CFAP58: variants seen among roughly 807,000 people sequenced by gnomAD.
CFAP58 encodes cilia- and flagella-associated protein 58.
CFAP58 carries 88 observed loss-of-function variants against 119.5 expected under a neutral mutation model. The observed-to-expected ratio is 0.74, with a 90% CI of 0.62 to 0.88. CFAP58 has a LOEUF of 0.88. Among genes scored for constraint, CFAP58 ranks in the 40% least tolerant of loss-of-function variants. The pLI, the probability that CFAP58 is intolerant of heterozygous loss-of-function variation, is 0.00. For synonymous variants in CFAP58, 365 were observed against 366.3 expected, an observed-to-expected ratio of 1.00 and a Z score of 0.04; for missense variants, 990 against 1,021.2, an observed-to-expected ratio of 0.97 and a Z score of 0.42.
intron 13 of CFAP58, 59 bp from the exon 14 acceptor site, chr10:104,403,666 AAGAT>A: frequency 8.9e-7 from 1 of 1,126,782 alleles, no homozygotes; most frequent in South Asian, 1.4e-5. Flanking sequence ...CAACTAATTA[AAGAT>A]AGATAGGATA....
chr10:104,349,163 G>T (rs565621233), upstream of CFAP58, among the ~76,000 whole-genome samples: 1 of 152,262 alleles, frequency 6.6e-6, no homozygotes, highest in South Asian at 2.1e-4. Flanking sequence ...CAGGAGAATC[G>T]CTTGAACCTG....
chr10:104,360,150 G>A (rs2014646860), intron 2 of CFAP58, among the ~76,000 whole-genome samples: 1 of 152,160 alleles, frequency 6.6e-6, no homozygotes, highest in Non-Finnish European at 1.5e-5. Context: ...TTAACCTAAA[G>A]CTTATAGGTT....
chr10:104,397,167 A>G (rs937380324), intron 11 of CFAP58, among the ~76,000 whole-genome samples: 2 of 152,204 alleles, frequency 1.3e-5, no homozygotes, highest in Non-Finnish European at 2.9e-5. Context: ...TAAAAGTTTT[A>G]TTAAAGAAAG....
At chr10:104,351,206 A>G (rs1480133160), upstream of CFAP58, among the ~76,000 whole-genome samples, 1 of 152,146 alleles carries the variant, frequency 6.6e-6, no homozygotes, top group Non-Finnish European at 1.5e-5. Flanking sequence ...CCACCTCTCC[A>G]GCAACCTCCA....
At chr10:104,443,775 A>G (rs953885175) in intron 15 of CFAP58, among the ~76,000 whole-genome samples, 6 of 152,214 alleles carry the variant, frequency 3.9e-5, no homozygotes, top group Non-Finnish European at 5.9e-5. Flanking sequence ...TCTTATTTGC[A>G]TAGGCTGTTC....
intron 17 of CFAP58, among the ~76,000 whole-genome samples, chr10:104,453,376 A>G (rs117197242): frequency 4.8e-4 from 73 of 152,380 alleles, no homozygotes; most frequent in Non-Finnish European, 9.7e-4. Context: ...GGAATAATTT[A>G]GAATAATCTC....
intron 15 of CFAP58, among the ~76,000 whole-genome samples, chr10:104,419,210 T>C (rs1338775582): frequency 6.6e-6 from 1 of 152,126 alleles, no homozygotes. Context: ...AGAATGCCAA[T>C]GCTAGCATAG....
rs1294162762 is a variant in CFAP58 at position 104,400,826 on chromosome 10, C to G, written c.1962C>G (p.Ile654Met). The change falls in exon 13 of 18, where the codon ATC becomes ATG. Residue 654 changes from isoleucine (I) to methionine (M), a missense_variant. Physicochemically the swap from Ile to Met is conservative, Grantham distance 10. Coordinates refer to ENST00000369704, the MANE Select transcript of CFAP58 (RefSeq NM_001008723.2). ...ACCAGAGGTTGGAGGACATGAGAATCCTCAGACTTGAGATCAAGAAGCTTC... is the reference window on the plus strand; with the variant it reads ...ACCAGAGGTTGGAGGACATGAGAATGCTCAGACTTGAGATCAAGAAGCTTC... ...QYNQRLEDMR[I>M]LRLEIKKLRR... The G allele has an allele frequency of 6.2e-7, 1 of 1,614,148 alleles. No individual in the cohort carries two copies. Among genetic ancestry groups the G allele is most frequent in the South Asian group, 1.1e-5 (1 of 91,080 alleles).
At chr10:104,405,565 A>G (rs1404665692) in intron 14 of CFAP58, among the ~76,000 whole-genome samples, 1 of 152,218 alleles carries the variant, frequency 6.6e-6, no homozygotes, top group African/African-American at 2.4e-5. Flanking sequence ...AGTGTAGAGG[A>G]CACATTACCA....
chr10:104,440,068 C>G (rs905780823), intron 15 of CFAP58, among the ~76,000 whole-genome samples: 4 of 151,992 alleles, frequency 2.6e-5, no homozygotes, highest in Non-Finnish European at 5.9e-5. Context: ...GTGATCCACC[C>G]GCCTGGGCCT....
In CFAP58 at chr10:104,404,542, A is replaced by G. The variant is rs118049730; in HGVS notation, c.2151+702A>G. Among the ~76,000 whole-genome samples, 1,059 of 152,322 alleles carry G rather than the reference A, an allele frequency of 7.0e-3. 26 individuals carry two copies. The highest frequency in any genetic ancestry group is 0.069 in the East Asian group (358 of 5,186). On this transcript the variant is annotated intron_variant, in intron 14 of 17. Coordinates refer to ENST00000369704, the MANE Select transcript of CFAP58 (RefSeq NM_001008723.2). ...GAATGATCAGGGTATTGGGAGATGT[A>G]AGTATGTCATATAAGATAAAGCAGG...
intron 15 of CFAP58, among the ~76,000 whole-genome samples, chr10:104,411,489 A>G (rs2012459590): frequency 6.6e-6 from 1 of 151,988 alleles, no homozygotes; most frequent in Non-Finnish European, 1.5e-5. Flanking sequence ...ACTTTCACTC[A>G]TGGTGGATTT....
At position 104,358,020 on chromosome 10, in the gene CFAP58, C is replaced by CAT. The variant is rs375880516; in HGVS notation, c.10-313_10-312dup. Among the ~76,000 whole-genome samples the CAT allele has an allele frequency of 2.8e-3, 399 of 140,140 alleles. 7 individuals carry two copies. The highest frequency in any genetic ancestry group is 0.014 in the Middle Eastern group (3 of 212). The allele number at this position is 140,140 out of a possible 152,430, so 91.9% of individuals were successfully genotyped here. ...GTACACATATATACACATATATGTA[C>CAT]ATATATATACATATGTACATATACA... On this transcript the variant is annotated intron_variant, in intron 1 of 17. Coordinates refer to ENST00000369704, the MANE Select transcript of CFAP58 (RefSeq NM_001008723.2).
chr10:104,412,287 G>T (rs1315855474), intron 15 of CFAP58, among the ~76,000 whole-genome samples: 2 of 152,026 alleles, frequency 1.3e-5, no homozygotes, highest in Admixed American at 6.5e-5. Flanking sequence ...AAGTTTAATA[G>T]AATTCTTAGT....
intron 17 of CFAP58, among the ~76,000 whole-genome samples, chr10:104,450,747 G>T (rs1254833873): frequency 1.3e-5 from 2 of 150,470 alleles, no homozygotes; most frequent in African/African-American, 4.9e-5. Flanking sequence ...GTCTTGGTAT[G>T]TTGCCCAGGC....
At chr10:104,399,251 A>G in intron 11 of CFAP58, 109 bp from the exon 12 acceptor site, 1 of 1,174,400 alleles carries the variant, frequency 8.5e-7, no homozygotes, top group South Asian at 1.6e-5. Flanking sequence ...TAAATGAAAC[A>G]TCAGAGGAAA....
At position 104,450,699 on chromosome 10, in the gene CFAP58, TTATTTATTTATTTTTGA is replaced by T. The variant is rs1432204580; in HGVS notation, c.2510+497_2510+513del. On this transcript the variant is annotated intron_variant, in intron 17 of 17. Transcript: ENST00000369704. ...TTTATTTATTTATTTATTTATTTAT[TTATTTATTTATTTTTGA>T]TTTTTTTTTGTAGCAACAGGGTCTT... 5.4e-3 allele frequency among the ~76,000 whole-genome samples: 804 copies of T among 148,004 alleles called. 6 individuals carry two copies. The highest frequency in any genetic ancestry group is 0.02 in the African/African-American group (769 of 38,510).
chr10:104,393,358 A>G lies in CFAP58; in HGVS notation c.1557A>G (p.Leu519=), dbSNP rs371289437. ...AAATAACAGATATGAAGAGAAAGTTAAAGATTATGATCCATCAGGTAGATG... is the reference window on the plus strand; with the variant it reads ...AAATAACAGATATGAAGAGAAAGTTGAAGATTATGATCCATCAGGTAGATG... The part of the protein sequence containing the change: ...QDEITDMKRK[L]KIMIHQVDEL... The change falls in exon 11 of 18, where the codon TTA becomes TTG. Residue 519 remains leucine, a synonymous_variant. Transcript: ENST00000369704. The G allele has an allele frequency of 1.9e-6, 3 of 1,613,734 alleles. No homozygotes were observed. Among genetic ancestry groups the G allele is most frequent in the Non-Finnish European group, 2.5e-6 (3 of 1,179,776 alleles).
chr10:104,451,159 G>A (rs1456921258), intron 17 of CFAP58, among the ~76,000 whole-genome samples: 4 of 152,178 alleles, frequency 2.6e-5, no homozygotes, highest in African/African-American at 7.2e-5. Flanking sequence ...AGTGACTCAC[G>A]TTATGGGCTG....
Sources: allele counts gnomAD v4.1 joint callset (sites outside exome capture counted in the v4.1 genomes callset), GRCh38; gene constraint gnomAD v4.1.1; transcripts MANE v1.5; gene names NCBI Gene and HGNC (gene_info 2026-07-23, HGNC 2026-07-21).